PCDHGA6: variants seen among roughly 807,000 people sequenced by gnomAD.
PCDHGA6 encodes the protein protocadherin gamma-A6.
Under a neutral mutation model 60.6 loss-of-function variants are expected in PCDHGA6, and 41 were observed. That is an observed-to-expected ratio of 0.68 (90% CI 0.53 to 0.88). PCDHGA6 has a LOEUF of 0.88. Ranked by LOEUF, PCDHGA6 falls within the 40% of genes least tolerant of loss-of-function variation. The pLI is 0.00. For missense variants in PCDHGA6, 1,312 were observed against 1,203.0 expected, an observed-to-expected ratio of 1.09 and a Z score of -1.34; for synonymous variants, 594 against 524.4, an observed-to-expected ratio of 1.13 and a Z score of -1.81.
rs570029585 is a variant in PCDHGA6 at position 141,389,223 on chromosome 5, G to A, written c.2424+12716G>A. On this transcript the variant is annotated intron_variant, in intron 1 of 3. Coordinates refer to ENST00000517434, the MANE Select transcript of PCDHGA6 (RefSeq NM_018919.3). ...GCACATTGGTGATGTAAATGACAAC[G>A]CTCCGGTTTTCTCACAGTCTTCCTA... 5.0e-6 allele frequency: 8 copies of A among 1,613,994 alleles called. No homozygotes were observed. The African/African-American group carries it at 8.0e-5, about 16-fold the overall frequency.
intron 1 of PCDHGA6, among the ~76,000 whole-genome samples, chr5:141,436,713 G>C (rs2097842329): frequency 6.6e-6 from 1 of 152,308 alleles, no homozygotes; most frequent in East Asian, 1.9e-4. Flanking sequence ...TCGATGTTCT[G>C]TTGGGAAAAA....
chr5:141,385,339 C>T (rs1379260130), intron 1 of PCDHGA6: 1 of 1,570,014 alleles, frequency 6.4e-7, no homozygotes, highest in African/African-American at 1.4e-5. Flanking sequence ...CCCAGCCCTT[C>T]CTTTATTTCC....
At position 141,486,094 on chromosome 5, in the gene PCDHGA6, C is replaced by G. The variant is rs749887136; in HGVS notation, c.2425-8713C>G. 2 of 1,614,112 alleles carry G rather than the reference C, an allele frequency of 1.2e-6. No homozygotes were observed. Among genetic ancestry groups the G allele is most frequent in the Admixed American group, 3.3e-5 (2 of 60,018 alleles). ...CTGGAAAGCTTACTCTTTTGGGGCCCCTAGACTTTGAGAGTGAGAATTACT... is the reference window on the plus strand; with the variant it reads ...CTGGAAAGCTTACTCTTTTGGGGCCGCTAGACTTTGAGAGTGAGAATTACT... On this transcript the variant is annotated intron_variant, in intron 1 of 3. Coordinates refer to ENST00000517434, the MANE Select transcript of PCDHGA6 (RefSeq NM_018919.3). The surrounding 1 kb of genome is among the most constrained non-coding windows in gnomAD (Gnocchi z 5.0).
At position 141,415,393 on chromosome 5, in the gene PCDHGA6, T is replaced by C. The variant is rs574028530; in HGVS notation, c.2424+38886T>C. On this transcript the variant is annotated intron_variant, in intron 1 of 3. Transcript: ENST00000517434. ...TTCAGGAGGCGGCTTGACAGGTGTG[T>C]CCGGCTCGCACTTTGTGGGCGTGGA... 1.1e-5 allele frequency: 17 copies of C among 1,614,190 alleles called. No individual in the cohort carries two copies. In the East Asian group the frequency reaches 2.5e-4, roughly 23 times the overall value.
chr5:141,377,571 G>A (rs1188090213), intron 1 of PCDHGA6: 1 of 151,658 alleles, frequency 6.6e-6, no homozygotes, highest in African/African-American at 2.4e-5. Context: ...ACCCTAGCCT[G>A]GGAGACAGAA....
At chr5:141,405,218 G>T in intron 1 of PCDHGA6, 1 of 1,613,986 alleles carries the variant, frequency 6.2e-7, no homozygotes, top group Non-Finnish European at 8.5e-7. Flanking sequence ...CTATTCTCAG[G>T]AGTTCTCCCT....
rs1241061038 is a variant in PCDHGA6 at position 141,394,846 on chromosome 5, T to C, written c.2424+18339T>C. ...GAAGTCCTGACCGAGTTGGGCAGTC[T>C]GAAGCCTTCGGTCGACCCGAACGAT... On this transcript the variant is annotated intron_variant, in intron 1 of 3. Coordinates refer to ENST00000517434, the MANE Select transcript of PCDHGA6 (RefSeq NM_018919.3). The C allele has an allele frequency of 1.9e-6, 3 of 1,613,732 alleles. No homozygotes were observed. In the African/African-American group the frequency reaches 4.0e-5, roughly 22 times the overall value.
chr5:141,472,335 A>T (rs1033984936), intron 1 of PCDHGA6, among the ~76,000 whole-genome samples: 38 of 151,784 alleles, frequency 2.5e-4, no homozygotes, highest in Non-Finnish European at 2.5e-4. Context: ...AGGTTGGGAG[A>T]TCGAGACCAT....
At chr5:141,510,816 A>G (rs1478938067) in intron 3 of PCDHGA6, 131 bp from the exon 4 acceptor site, 2 of 1,547,282 alleles carry the variant, frequency 1.3e-6, no homozygotes, top group Non-Finnish European at 1.8e-6. Context: ...GGTGACCCCT[A>G]TATTCCCAGT....
chr5:141,493,656 T>C lies in PCDHGA6; in HGVS notation c.2425-1151T>C, dbSNP rs1481871984. Among the ~76,000 whole-genome samples, 1 of 152,184 alleles carries C rather than the reference T, an allele frequency of 6.6e-6. No homozygotes were observed. Among genetic ancestry groups the C allele is most frequent in the African/African-American group, 2.4e-5 (1 of 41,454 alleles). ...CTGAGGGCTGGCCATCCCTGTGCCC[T>C]TCTCCATGGCAGCCCCAGAATGGTG... On this transcript the variant is annotated intron_variant, in intron 1 of 3. Coordinates refer to ENST00000517434, the MANE Select transcript of PCDHGA6 (RefSeq NM_018919.3). The surrounding 1 kb of genome is among the most constrained non-coding windows in gnomAD (Gnocchi z 4.3).
chr5:141,418,576 C>T, intron 1 of PCDHGA6: 2 of 1,614,012 alleles, frequency 1.2e-6, no homozygotes, highest in South Asian at 1.1e-5. Flanking sequence ...ATGACAACCC[C>T]CCAGTGTTCA....
At position 141,414,031 on chromosome 5, in the gene PCDHGA6, C is replaced by G. The variant is rs900884760; in HGVS notation, c.2424+37524C>G. The G allele has an allele frequency of 1.2e-6, 2 of 1,611,740 alleles. No homozygotes were observed. The highest frequency in any genetic ancestry group is 2.7e-5 in the African/African-American group (2 of 74,762). On this transcript the variant is annotated intron_variant, in intron 1 of 3. Coordinates refer to ENST00000517434, the MANE Select transcript of PCDHGA6 (RefSeq NM_018919.3). ...CAATGGAGAAGTGACATATTCATTC[C>G]GAAAATTACCTGACACGCAATTGTT... is the stretch of plus-strand genomic sequence containing the variant.
intron 1 of PCDHGA6, chr5:141,409,471 A>T: frequency 6.2e-7 from 1 of 1,613,978 alleles, no homozygotes; most frequent in Non-Finnish European, 8.5e-7. Context: ...TCACCATCGT[A>T]GCCACTGACA....
rs2097456240 is a variant in PCDHGA6, at chr5:141,432,134, G to T, written c.2424+55627G>T. 3 of 1,613,756 alleles carry T rather than the reference G, an allele frequency of 1.9e-6. No individual in the cohort carries two copies. The highest frequency in any genetic ancestry group is 1.3e-5 in the African/African-American group (1 of 74,800). On this transcript the variant is annotated intron_variant, in intron 1 of 3. Coordinates refer to ENST00000517434, the MANE Select transcript of PCDHGA6 (RefSeq NM_018919.3). This position sits in a 1 kb window ranked among gnomAD's most constrained non-coding sequence, Gnocchi z 6.0. The stretch of plus-strand genomic sequence containing the variant: ...GGTCTTCCCTCAGGCCTCCTATTCC[G>T]CTTATATCCCAGAGAACAATCCCAG...
rs151119016 is a variant in PCDHGA6, at chr5:141,489,949, G to C, written c.2425-4858G>C. On this transcript the variant is annotated intron_variant, in intron 1 of 3. Transcript: ENST00000517434. The surrounding 1 kb of genome is among the most constrained non-coding windows in gnomAD (Gnocchi z 4.5). ...CTCTGTCATCGTGCTGGACATCAAT[G>C]ATAATGCTCCAACCTTCCAATCCTC... is the stretch of plus-strand genomic sequence containing the variant. 1 of 1,614,198 alleles carries C rather than the reference G, an allele frequency of 6.2e-7. No individual in the cohort carries two copies. Among genetic ancestry groups the C allele is most frequent in the Non-Finnish European group, 8.5e-7 (1 of 1,180,028 alleles).
intron 1 of PCDHGA6, chr5:141,478,198 ACTT>A (rs2099438516): frequency 1.2e-6 from 2 of 1,613,746 alleles, no homozygotes; most frequent in African/African-American, 1.3e-5. Context: ...CCTTTTATCT[ACTT>A]CTTTCTCTAA....
chr5:141,477,572 G>T lies in PCDHGA6; in HGVS notation c.2425-17235G>T, dbSNP rs375416133. The T allele has an allele frequency of 6.2e-7, 1 of 1,614,112 alleles. No homozygotes were observed. Among genetic ancestry groups the T allele is most frequent in the South Asian group, 1.1e-5 (1 of 91,072 alleles). ...AAACCTAAGTGTCTGGGACCCCGAC[G>T]CCCCGCAGAATGCTCGGCTTTCTTT... On this transcript the variant is annotated intron_variant, in intron 1 of 3. Transcript: ENST00000517434. The surrounding 1 kb of genome is among the most constrained non-coding windows in gnomAD (Gnocchi z 4.9).
chr5:141,407,088 GT>G lies in PCDHGA6; in HGVS notation c.2424+30585del, dbSNP rs571130014. Among the ~76,000 whole-genome samples, 18 of 152,174 alleles carry G rather than the reference GT, an allele frequency of 1.2e-4. No individual in the cohort carries two copies. The East Asian group carries it at 3.5e-3, about 29-fold the overall frequency. On this transcript the variant is annotated intron_variant, in intron 1 of 3. Coordinates refer to ENST00000517434, the MANE Select transcript of PCDHGA6 (RefSeq NM_018919.3). ...GGCATTTCTGTGGAAATGAAGAATT[GT>G]TTTATTTGTTTGTAATTATTTGGGT...
At chr5:141,376,928 C>G (rs928041482) in intron 1 of PCDHGA6, 1 of 168,908 alleles carries the variant, frequency 5.9e-6, no homozygotes, top group Non-Finnish European at 1.3e-5. Flanking sequence ...ACCTCATGAT[C>G]CACCCGCCTC....
Sources: gnomAD v4.1 joint callset for allele counts (sites outside exome capture counted in the v4.1 genomes callset) on GRCh38, gnomAD v4.1.1 for gene constraint, Gnocchi (gnomAD v3.1) non-coding constraint, MANE v1.5 for transcripts, NCBI Gene and HGNC (gene_info 2026-07-23, HGNC 2026-07-21) for gene names.